WWOX: variants seen among roughly 807,000 people sequenced by gnomAD.
WWOX encodes the protein WW domain-containing oxidoreductase.
A neutral mutation model predicts 46.2 loss-of-function variants in WWOX; 69 were observed. That is an observed-to-expected ratio of 1.49 (90% CI 1.23 to 1.82). The LOEUF (loss-of-function observed/expected upper bound fraction) is 1.82. Among genes scored for constraint, WWOX ranks in the 40% most tolerant of loss-of-function variants. The pLI, the probability that WWOX is intolerant of heterozygous loss-of-function variation, is 0.00. For missense variants in WWOX, 919 were observed against 542.6 expected (o/e 1.69, Z -6.89); for synonymous variants, 359 against 202.6 (o/e 1.77, Z -6.56).
intron 5 of WWOX, among the ~76,000 whole-genome samples, chr16:78,256,173 A>G (rs2038126403): frequency 2.2e-5 from 3 of 138,634 alleles, no homozygotes. Context: ...AAAAAAAAAA[A>G]AGTAACTCAT....
intron 5 of WWOX, among the ~76,000 whole-genome samples, chr16:78,334,815 C>G (rs1464695985): frequency 1.5e-5 from 1 of 64,816 alleles, no homozygotes; most frequent in Admixed American, 2.1e-4. Flanking sequence ...CACGCACACA[C>G]ACACACACAC....
At chr16:78,124,246 T>C (rs1246084958) in intron 4 of WWOX, 1 of 152,216 alleles carries the variant, frequency 6.6e-6, no homozygotes, top group Non-Finnish European at 1.5e-5. Flanking sequence ...ACTTGTAACA[T>C]TGCAAAGCTA....
intron 4 of WWOX, among the ~76,000 whole-genome samples, chr16:78,137,716 G>A (rs1225766118): frequency 6.6e-6 from 1 of 152,138 alleles, no homozygotes; most frequent in African/African-American, 2.4e-5. Context: ...TGTGGTCTCT[G>A]TTCCACTTTG....
chr16:78,154,346 A>T (rs1597278258), intron 4 of WWOX, among the ~76,000 whole-genome samples: 1 of 152,114 alleles, frequency 6.6e-6, no homozygotes, highest in South Asian at 2.1e-4. Flanking sequence ...ATAATAACTC[A>T]TAGTGTTTAC....
At chr16:78,734,428 G>T (rs534176690) in intron 8 of WWOX, among the ~76,000 whole-genome samples, 1 of 152,136 alleles carries the variant, frequency 6.6e-6, no homozygotes, top group African/African-American at 2.4e-5. Flanking sequence ...AATGTTTGTT[G>T]CATGAATCAA....
At chr16:78,524,546 G>C (rs546917500) in intron 8 of WWOX, among the ~76,000 whole-genome samples, 3 of 151,648 alleles carry the variant, frequency 2.0e-5, no homozygotes, top group Admixed American at 1.3e-4. Context: ...TCAGCCTCCC[G>C]AGTAGCTGGG....
At chr16:79,135,392 C>T (rs886197931) in intron 8 of WWOX, among the ~76,000 whole-genome samples, 2 of 152,112 alleles carry the variant, frequency 1.3e-5, no homozygotes, top group Non-Finnish European at 2.9e-5. Flanking sequence ...TTTTAAAAGG[C>T]TGCCTGTTAT....
intron 8 of WWOX, chr16:79,206,519 A>T (rs181973888): frequency 5.3e-5 from 8 of 152,346 alleles, no homozygotes; most frequent in Non-Finnish European, 1.2e-4. Context: ...AACAATGCTT[A>T]CAAAGCTCTC....
At chr16:78,705,094 C>G (rs2048303970) in intron 8 of WWOX, among the ~76,000 whole-genome samples, 1 of 152,030 alleles carries the variant, frequency 6.6e-6, no homozygotes, top group Non-Finnish European at 1.5e-5. Flanking sequence ...GTTAGTTATT[C>G]CTTTTTAGTG....
At chr16:78,122,440 T>C (rs1346255443) in intron 4 of WWOX, among the ~76,000 whole-genome samples, 3 of 152,134 alleles carry the variant, frequency 2.0e-5, no homozygotes, top group South Asian at 2.1e-4. Flanking sequence ...ATTAAAAAAA[T>C]TAATAATAGA....
chr16:78,206,105 C>G (rs1255964648), intron 5 of WWOX, among the ~76,000 whole-genome samples: 1 of 151,912 alleles, frequency 6.6e-6, no homozygotes, highest in African/African-American at 2.4e-5. Context: ...TTTGTAGGAT[C>G]TAGAATGTCT....
chr16:78,611,905 T>C (rs1201613041), intron 8 of WWOX, among the ~76,000 whole-genome samples: 2 of 152,110 alleles, frequency 1.3e-5, no homozygotes, highest in Admixed American at 1.3e-4. Flanking sequence ...CTGAAGCAAA[T>C]CATGTATACA....
intron 8 of WWOX, among the ~76,000 whole-genome samples, chr16:78,713,441 C>T (rs1241422589): frequency 6.6e-6 from 1 of 151,896 alleles, no homozygotes; most frequent in Non-Finnish European, 1.5e-5. Flanking sequence ...ATTATGTGTC[C>T]CCAAAATTCA....
chr16:78,783,780 T>G (rs933083362), intron 8 of WWOX, among the ~76,000 whole-genome samples: 1 of 151,568 alleles, frequency 6.6e-6, no homozygotes, highest in Non-Finnish European at 1.5e-5. Flanking sequence ...ATGCTGATGG[T>G]GGTGATGGTG....
intron 8 of WWOX, among the ~76,000 whole-genome samples, chr16:78,630,813 C>T (rs776347475): frequency 1.3e-5 from 2 of 152,136 alleles, no homozygotes; most frequent in Non-Finnish European, 2.9e-5. Flanking sequence ...TAGTTGGGAC[C>T]AGACCTCAAG....
At chr16:78,683,719 T>C (rs2047786407) in intron 8 of WWOX, among the ~76,000 whole-genome samples, 1 of 152,146 alleles carries the variant, frequency 6.6e-6, no homozygotes, top group African/African-American at 2.4e-5. Context: ...TTCAATACCA[T>C]TGATAAGTTG....
rs564819572 is a variant in WWOX, at chr16:78,345,380, C to T, written c.517-41480C>T. On this transcript the variant is annotated intron_variant, in intron 5 of 8. Transcript: ENST00000566780. ...TCATACCTTTAATCCCAGCACTTTGCGAGGCCAAGGTGGGCAGATTACTTG... is the reference window on the plus strand; with the variant it reads ...TCATACCTTTAATCCCAGCACTTTGTGAGGCCAAGGTGGGCAGATTACTTG... Among the ~76,000 whole-genome samples, 4 of 98,376 alleles carry T rather than the reference C, an allele frequency of 4.1e-5. 1 individual carries two copies. The highest frequency in any genetic ancestry group is 1.1e-4 in the Admixed American group (1 of 8,696). 64.5% of individuals were successfully genotyped at this position (98,376 alleles called of 152,430 possible).
At chr16:78,439,557 GA>G (rs2083402730) in intron 8 of WWOX, among the ~76,000 whole-genome samples, 1 of 152,174 alleles carries the variant, frequency 6.6e-6, no homozygotes, top group South Asian at 2.1e-4. Context: ...AAGTAAGTTG[GA>G]AAAGGGCAAA....
chr16:78,183,513 T>C lies in WWOX; in HGVS notation c.516+19224T>C, dbSNP rs1455485230. Among the ~76,000 whole-genome samples the C allele has an allele frequency of 3.9e-5, 6 of 152,316 alleles. No individual in the cohort carries two copies. In the East Asian group the frequency reaches 1.2e-3, roughly 29 times the overall value. On this transcript the variant is annotated intron_variant, in intron 5 of 8. Coordinates refer to ENST00000566780, the MANE Select transcript of WWOX (RefSeq NM_016373.4). ...CCGTTCTGTAGCAGTGTTGTGGATCTCAGACAAGGTGTTCCTGCATATGCC... is the reference window on the plus strand; with the variant it reads ...CCGTTCTGTAGCAGTGTTGTGGATCCCAGACAAGGTGTTCCTGCATATGCC...
Sources: gnomAD v4.1 joint callset for allele counts (sites outside exome capture counted in the v4.1 genomes callset) on GRCh38, gnomAD v4.1.1 for gene constraint, MANE v1.5 for transcripts, NCBI Gene and HGNC (gene_info 2026-07-23, HGNC 2026-07-21) for gene names.